The following TP53INP1 variants were observed in gnomAD, a reference collection of about 807,000 sequenced individuals.
The protein encoded by TP53INP1 is tumor protein p53 inducible nuclear protein 1, also known as tumor protein p53-inducible nuclear protein 1.
A neutral mutation model predicts 21.0 loss-of-function variants in TP53INP1; 12 were observed. The ratio of observed to expected loss-of-function variants is 0.57; its 90% CI spans 0.37 to 0.93. The LOEUF (loss-of-function observed/expected upper bound fraction) is 0.93. Ranked by LOEUF, TP53INP1 falls within the 40% of genes least tolerant of loss-of-function variation. The pLI is 0.01. For missense variants in TP53INP1, 274 were observed against 294.7 expected (o/e 0.93, Z 0.51); for synonymous variants, 91 against 94.8 (o/e 0.96, Z 0.23).
chr8:94,930,525 T>C lies in TP53INP1; in HGVS notation c.677A>G (p.Asn226Ser). 1 of 1,614,252 alleles carries C rather than the reference T, an allele frequency of 6.2e-7. No homozygotes were observed. The highest frequency in any genetic ancestry group is 1.1e-5 in the South Asian group (1 of 91,090). ...GCAGGGCTGATGAACAACCCAGCCA[T>C]TGTGCTTGACTTGCCGAGGGTGGCA... ...RDCHPRQVKH[N>S]GWVVHQPCPR... Residue 226 changes from asparagine to serine, a missense_variant, in exon 4 of 4, where the codon AAT (asparagine) becomes AGT (serine). Asn to Ser is a conservative substitution (Grantham distance 46). Transcript: ENST00000342697.
intron 1 of TP53INP1, among the ~76,000 whole-genome samples, chr8:94,945,193 C>T (rs1424087019): frequency 6.6e-6 from 1 of 152,100 alleles, no homozygotes; most frequent in Non-Finnish European, 1.5e-5. Context: ...TACTTTTTCA[C>T]CTATAAATTT....
rs1189070774 is a variant in TP53INP1, at chr8:94,926,093, ACT to A, written c.*4384_*4385del. ...ACACACAATGTTTAAACAATGCTAC[ACT>A]CATTTTTGGCAAAGTGCTGTATTGT... is the stretch of plus-strand genomic sequence containing the variant. On this transcript the variant is annotated 3_prime_UTR_variant, in exon 4 of 4. Transcript: ENST00000342697. 6.6e-6 allele frequency: 1 copy of A among 152,612 alleles called. No homozygotes were observed. The highest frequency in any genetic ancestry group is 1.5e-5 in the Non-Finnish European group (1 of 68,042). The allele number at this position is 152,612 out of a possible 1,614,324, so 9.5% of individuals were successfully genotyped here.
rs996117662 is a variant in TP53INP1, at chr8:94,930,657, A to T, written c.545T>A (p.Phe182Tyr). 3.7e-6 allele frequency: 6 copies of T among 1,614,132 alleles called. No individual in the cohort carries two copies. In the African/African-American group the frequency reaches 8.0e-5, roughly 22 times the overall value. The change falls in exon 4 of 4, where the codon TTT (phenylalanine) becomes TAT (tyrosine). Residue 182 changes from phenylalanine to tyrosine, a missense_variant. Coordinates refer to ENST00000342697, the MANE Select transcript of TP53INP1 (RefSeq NM_033285.4). ...YVAALAAHTT[F>Y]LEQPKSFRPS... ...GCGAAAGCTCTTGGGTTGTTCCAGA[A>T]AAGTTGTATGAGCAGCAAGAGCTGC...
Position 94,927,536 on chromosome 8 carries a change from CT to C in TP53INP1, c.*2942del, listed in dbSNP as rs1474648384. On this transcript the variant is annotated 3_prime_UTR_variant, in exon 4 of 4. Coordinates refer to ENST00000342697, the MANE Select transcript of TP53INP1 (RefSeq NM_033285.4). ...CGATAGGAAGTCGAAAACCCAATCACTTTGCATCTTTCTGCAAAAAATTCCC... is the reference window on the plus strand; with the variant it reads ...CGATAGGAAGTCGAAAACCCAATCACTTGCATCTTTCTGCAAAAAATTCCC... 1 of 152,160 alleles carries C rather than the reference CT, an allele frequency of 6.6e-6. No individual in the cohort carries two copies. The highest frequency in any genetic ancestry group is 2.4e-5 in the African/African-American group (1 of 41,446). 9.4% of individuals were successfully genotyped at this position (152,160 alleles called of 1,614,324 possible).
chr8:94,943,517 T>G (rs11784717), intron 1 of TP53INP1, among the ~76,000 whole-genome samples: 1 of 151,912 alleles, frequency 6.6e-6, no homozygotes. Context: ...TATGAGATCA[T>G]CCAGGGCTGA....
intron 3 of TP53INP1, among the ~76,000 whole-genome samples, chr8:94,936,544 C>A (rs888029503): frequency 1.3e-5 from 2 of 152,106 alleles, no homozygotes; most frequent in South Asian, 2.1e-4. Context: ...CTGAACTGCA[C>A]GCTGTTTTCC....
rs183574676 is a variant in TP53INP1, at chr8:94,926,634, C to T, written c.*3845G>A. ...ACAATTACACAATTTTTAAAAGTGT[C>T]GTAAAATTCTCAACTATATACAAAA... On this transcript the variant is annotated 3_prime_UTR_variant, in exon 4 of 4. Coordinates refer to ENST00000342697, the MANE Select transcript of TP53INP1 (RefSeq NM_033285.4). 1.3e-5 allele frequency: 2 copies of T among 152,108 alleles called. No homozygotes were observed. Among genetic ancestry groups the T allele is most frequent in the South Asian group, 4.1e-4 (2 of 4,826 alleles). 9.4% of individuals were successfully genotyped at this position (152,108 alleles called of 1,614,324 possible). A position where few individuals can be genotyped will look rare whatever the true frequency, so the allele number is the denominator to read the frequency against.
At chr8:94,932,750 C>T (rs1156345954) in intron 3 of TP53INP1, among the ~76,000 whole-genome samples, 1 of 152,120 alleles carries the variant, frequency 6.6e-6, no homozygotes, top group Non-Finnish European at 1.5e-5. Flanking sequence ...TTGCAGTGAG[C>T]CGAGATAGCG....
chr8:94,940,306 A>C, intron 2 of TP53INP1, 86 bp from the exon 3 acceptor site: 2 of 1,451,760 alleles, frequency 1.4e-6, no homozygotes, highest in Non-Finnish European at 1.8e-6. Context: ...GTCATTATAA[A>C]GTCACCCATC....
At position 94,930,528 on chromosome 8, in the gene TP53INP1, T is replaced by C. The variant is rs1820289851; in HGVS notation, c.674A>G (p.His225Arg). Residue 225 changes from histidine to arginine, a missense_variant, in exon 4 of 4, where the codon CAC (histidine) becomes CGC (arginine). By Grantham distance (29) the His-to-Arg change is conservative. Transcript: ENST00000342697. The part of the protein sequence containing the change: ...TRDCHPRQVK[H>R]NGWVVHQPCP... ...GGGCTGATGAACAACCCAGCCATTG[T>C]GCTTGACTTGCCGAGGGTGGCAATC... 1 of 1,614,140 alleles carries C rather than the reference T, an allele frequency of 6.2e-7. No homozygotes were observed. The highest frequency in any genetic ancestry group is 1.1e-5 in the South Asian group (1 of 91,088).
At chr8:94,932,406 A>G (rs1332810551) in intron 3 of TP53INP1, among the ~76,000 whole-genome samples, 4 of 152,370 alleles carry the variant, frequency 2.6e-5, no homozygotes, top group Admixed American at 6.5e-5. Context: ...TCTGAAAGAC[A>G]TATGATTCAT....
chr8:94,941,577 G>A (rs1157559363), intron 1 of TP53INP1, among the ~76,000 whole-genome samples: 7 of 152,300 alleles, frequency 4.6e-5, no homozygotes, highest in African/African-American at 1.7e-4. Context: ...CTTAAAATCT[G>A]TAAGCCCAGC....
chr8:94,933,836 G>GC (rs577760874), intron 3 of TP53INP1, among the ~76,000 whole-genome samples: 5 of 145,364 alleles, frequency 3.4e-5, no homozygotes, highest in South Asian at 2.2e-4. Context: ...GCACTTTGTG[G>GC]GGGGGGGGGG....
intron 1 of TP53INP1, among the ~76,000 whole-genome samples, chr8:94,941,628 T>C (rs1201891218): frequency 6.6e-6 from 1 of 152,226 alleles, no homozygotes; most frequent in East Asian, 1.9e-4. Context: ...ACAGCTGGCA[T>C]GAAGAAATTT....
intron 3 of TP53INP1, among the ~76,000 whole-genome samples, chr8:94,938,621 T>A (rs1563729113): frequency 1.3e-5 from 2 of 152,186 alleles, no homozygotes. Flanking sequence ...ATTTAATCAA[T>A]TATGCCTATG....
Position 94,940,185 on chromosome 8 carries a change from C to T in TP53INP1, c.148G>A (p.Glu50Lys), listed in dbSNP as rs760067150. 2 of 1,612,430 alleles carry T rather than the reference C, an allele frequency of 1.2e-6. No homozygotes were observed. Among genetic ancestry groups the T allele is most frequent in the Non-Finnish European group, 1.7e-6 (2 of 1,178,902 alleles). Residue 50 changes from glutamate (E) to lysine (K), a missense_variant, in exon 3 of 4, where the codon GAA (glutamate) becomes AAA (lysine). Glu to Lys is a moderately conservative substitution (Grantham distance 56). Transcript: ENST00000342697. ...CTGFSAEEEE[E>K]EEDISEESPT... ...GACTCTTCACTGATGTCCTCCTCTT[C>T]TTCTTCTTCTTCTGCTGAGAAACCA... is the stretch of plus-strand genomic sequence containing the variant.
At chr8:94,943,380 T>G (rs1821723227) in intron 1 of TP53INP1, among the ~76,000 whole-genome samples, 1 of 152,164 alleles carries the variant, frequency 6.6e-6, no homozygotes, top group South Asian at 2.1e-4. Context: ...TCCTAGCTAC[T>G]TGGGAGGCTG....
At chr8:94,937,163 G>C (rs1428435718) in intron 3 of TP53INP1, among the ~76,000 whole-genome samples, 2 of 152,106 alleles carry the variant, frequency 1.3e-5, no homozygotes, top group East Asian at 3.9e-4. Flanking sequence ...CAGACCAAAG[G>C]ACACACTATA....
chr8:94,941,088 G>T lies in TP53INP1; in HGVS notation c.-147C>A, dbSNP rs1297342741. 2 of 609,740 alleles carry T rather than the reference G, an allele frequency of 3.3e-6. No individual in the cohort carries two copies. The highest frequency in any genetic ancestry group is 5.8e-6 in the Non-Finnish European group (2 of 346,874). The allele number at this position is 609,740 out of a possible 1,614,324, so 37.8% of individuals were successfully genotyped here. A position where few individuals can be genotyped will look rare whatever the true frequency, so the allele number is the denominator to read the frequency against. On this transcript the variant is annotated 5_prime_UTR_variant, in exon 2 of 4. Coordinates refer to ENST00000342697, the MANE Select transcript of TP53INP1 (RefSeq NM_033285.4). ...TAGGTGAAAAGCAAGAAGAGTCATT[G>T]TACCTAAAATAAAACAGAAAAAGGA...
Sources: allele counts gnomAD v4.1 joint callset (sites outside exome capture counted in the v4.1 genomes callset), GRCh38; gene constraint gnomAD v4.1.1; transcripts MANE v1.5; gene names NCBI Gene and HGNC (gene_info 2026-07-23, HGNC 2026-07-21).